Variants in GTF3C1 observed in about 807,000 individuals in gnomAD.
The protein encoded by GTF3C1 is general transcription factor 3C polypeptide 1.
In GTF3C1, 57 loss-of-function variants were observed where a neutral mutation model predicts 226.7. The observed-to-expected ratio is 0.25, with a 90% CI of 0.20 to 0.31. The LOEUF is 0.31. Among genes scored for constraint, GTF3C1 ranks in the 10% least tolerant of loss-of-function variants. The pLI, the probability that GTF3C1 is intolerant of heterozygous loss-of-function variation, is 1.00. For synonymous variants in GTF3C1, 1,090 were observed against 1,084.8 expected (o/e 1.00, Z -0.09); for missense variants, 2,217 against 2,776.1 (o/e 0.80, Z 4.53).
At chr16:27,482,634 G>A in intron 26 of GTF3C1, 1 of 457,926 alleles carries the variant, frequency 2.2e-6, no homozygotes, top group Non-Finnish European at 4.4e-6. Context: ...CAGCCTCTGA[G>A]GCGAAGGGCA....
intron 6 of GTF3C1, among the ~76,000 whole-genome samples, chr16:27,524,166 G>C (rs954057926): frequency 5.9e-5 from 9 of 152,226 alleles, no homozygotes; most frequent in African/African-American, 1.9e-4. Flanking sequence ...GGTGTCTGTG[G>C]TGAAAGGGGA....
intron 23 of GTF3C1, 27 bp from the exon 24 acceptor site, chr16:27,486,181 G>C: frequency 6.7e-7 from 1 of 1,494,108 alleles, no homozygotes; most frequent in East Asian, 2.3e-5. Flanking sequence ...GAGAAGGCAG[G>C]AGACCTCTAA....
At position 27,461,652 on chromosome 16, in the gene GTF3C1, T is replaced by C; in HGVS notation, c.6118-90A>G. On this transcript the variant is annotated intron_variant, in intron 36 of 36. Transcript: ENST00000356183. The surrounding 1 kb of genome is among the most constrained non-coding windows in gnomAD (Gnocchi z 5.3). ...AAGCATTTATGGAATGCCCCCTCTG[T>C]ACCAGGGAGCCACTTCCCAGAGCAG... is the stretch of plus-strand genomic sequence containing the variant. 1.0e-6 allele frequency: 1 copy of C among 976,912 alleles called. No homozygotes were observed. The highest frequency in any genetic ancestry group is 1.9e-5 in the Admixed American group (1 of 51,288). The allele number at this position is 976,912 out of a possible 1,614,324, so 60.5% of individuals were successfully genotyped here. A position where few individuals can be genotyped will look rare whatever the true frequency, so the allele number is the denominator to read the frequency against.
rs750844622 is a variant in GTF3C1 at position 27,471,461 on chromosome 16, A to G, written c.4526+287T>C. The G allele has an allele frequency of 2.7e-6, 1 of 368,044 alleles. No individual in the cohort carries two copies. Among genetic ancestry groups the G allele is most frequent in the Non-Finnish European group, 5.0e-6 (1 of 198,528 alleles). The allele number at this position is 368,044 out of a possible 1,614,324, so 22.8% of individuals were successfully genotyped here. A position where few individuals can be genotyped will look rare whatever the true frequency, so the allele number is the denominator to read the frequency against. ...GGAGGGTGGACTTCCAGCCAGGCCA[A>G]TTATTAAATGCAAACTGATTTCACT... is the stretch of plus-strand genomic sequence containing the variant. On this transcript the variant is annotated intron_variant, in intron 30 of 36. Transcript: ENST00000356183. The surrounding 1 kb of genome is among the most constrained non-coding windows in gnomAD (Gnocchi z 5.0).
chr16:27,464,559 G>A lies in GTF3C1; in HGVS notation c.5633C>T (p.Thr1878Ile). Residue 1878 changes from threonine (T) to isoleucine (I), a missense_variant, in exon 34 of 37, where the codon ACC becomes ATC. By Grantham distance (89) the Thr-to-Ile change is moderately conservative. Coordinates refer to ENST00000356183, the MANE Select transcript of GTF3C1 (RefSeq NM_001520.4). ...TGGCCTCTTGGCAGGGGTCATCTGG[G>A]TGCCCTCGGCGTCGGTCTCCCCATT... ...SENGETDAEG[T>I]QMTPAKRPAL... 6.7e-7 allele frequency: 1 copy of A among 1,494,278 alleles called. No individual in the cohort carries two copies. Among genetic ancestry groups the A allele is most frequent in the Admixed American group, 2.4e-5 (1 of 42,268 alleles). The allele number at this position is 1,494,278 out of a possible 1,614,324, so 92.6% of individuals were successfully genotyped here.
chr16:27,484,890 T>C lies in GTF3C1; in HGVS notation c.3859-537A>G, dbSNP rs1012638135. 6.6e-5 allele frequency among the ~76,000 whole-genome samples: 10 copies of C among 152,298 alleles called. 1 individual carries two copies. Among genetic ancestry groups the C allele is most frequent in the Admixed American group, 5.9e-4 (9 of 15,306 alleles). ...TTTTCTTACATCCCCAAGGATGAGG[T>C]GACCCAAAAAGTCTGTAAGTTCTGG... is the stretch of plus-strand genomic sequence containing the variant. On this transcript the variant is annotated intron_variant, in intron 24 of 36. Coordinates refer to ENST00000356183, the MANE Select transcript of GTF3C1 (RefSeq NM_001520.4).
chr16:27,476,436 G>C lies in GTF3C1; in HGVS notation c.4353+15C>G, dbSNP rs527826195. On this transcript the variant is annotated intron_variant, in intron 29 of 36. Transcript: ENST00000356183. The stretch of plus-strand genomic sequence containing the variant: ...GCCCACATCCCCGCTGTGCTGCCGG[G>C]CAGCCGACACCCACCTGGAATGACT... 1 of 1,546,898 alleles carries C rather than the reference G, an allele frequency of 6.5e-7. No individual in the cohort carries two copies. Among genetic ancestry groups the C allele is most frequent in the South Asian group, 1.1e-5 (1 of 89,584 alleles).
chr16:27,461,040 G>T lies in GTF3C1; in HGVS notation c.*310C>A. The stretch of plus-strand genomic sequence containing the variant: ...TGCCGAGATGGCTAGAGTCTGGAAT[G>T]TGAGGTGTGCACAGGCGGGGCAAAC... On this transcript the variant is annotated 3_prime_UTR_variant, in exon 37 of 37. Transcript: ENST00000356183. This position sits in a 1 kb window ranked among gnomAD's most constrained non-coding sequence, Gnocchi z 5.3. 3.5e-6 allele frequency: 1 copy of T among 288,968 alleles called. No individual in the cohort carries two copies. 17.9% of individuals were successfully genotyped at this position (288,968 alleles called of 1,614,324 possible). A position where few individuals can be genotyped will look rare whatever the true frequency, so the allele number is the denominator to read the frequency against.
Position 27,506,899 on chromosome 16 carries a change from G to A in GTF3C1, c.1500C>T (p.Ala500=), listed in dbSNP as rs1356149182. Residue 500 remains alanine, a synonymous_variant, in exon 9 of 37, where the codon GCC becomes GCT. Transcript: ENST00000356183. ...GGGTCTTGGGCCGGAGGTTTGCAGA[G>A]GCTCTTGTGTCTTTCTGGGACCCTC... ...RGRGSQKDTR[A]SANLRPKTQP... is the part of the protein sequence containing the mutation. The A allele has an allele frequency of 1.2e-6, 2 of 1,613,712 alleles. No individual in the cohort carries two copies. Among genetic ancestry groups the A allele is most frequent in the Admixed American group, 1.7e-5 (1 of 60,006 alleles).
intron 26 of GTF3C1, 92 bp from the exon 27 acceptor site, chr16:27,481,283 C>G (rs1192062631): frequency 3.7e-6 from 4 of 1,070,254 alleles, no homozygotes; most frequent in Non-Finnish European, 5.7e-6. Context: ...GTAACAAACT[C>G]CTGCACCAGC....
intron 2 of GTF3C1, among the ~76,000 whole-genome samples, chr16:27,539,327 CAA>C (rs891298404): frequency 1.7e-4 from 26 of 152,084 alleles, no homozygotes; most frequent in African/African-American, 6.3e-4. Flanking sequence ...AAGAATGCAC[CAA>C]AAGAGGCCAA....
rs750291789 is a variant in GTF3C1, at chr16:27,486,060, C to G, written c.3795G>C (p.Trp1265Cys). Residue 1265 changes from tryptophan to cysteine, a missense_variant, in exon 24 of 37, where the codon TGG becomes TGC. By Grantham distance (215) the Trp-to-Cys change is radical (BLOSUM62 -2). Around this residue, in one of 12 missense-constraint regions of GTF3C1, gnomAD observed 546 missense variants for 663.0 expected, o/e 0.82. Transcript: ENST00000356183. Reference sequence around the variant, plus strand: ...CAAGCAGCCCATCCTCCTGCATAGACCAGGTGACACGAAGCCGCGTCATCC... The same window carrying G: ...CAAGCAGCCCATCCTCCTGCATAGAGCAGGTGACACGAAGCCGCGTCATCC... Reference protein sequence around the residue: ...LQRMTRLRVTWSMQEDGLLVL... With the variant: ...LQRMTRLRVTCSMQEDGLLVL... 1 of 1,611,264 alleles carries G rather than the reference C, an allele frequency of 6.2e-7. No homozygotes were observed.
In GTF3C1 at chr16:27,461,277, G is replaced by A; in HGVS notation, c.*73C>T. ...GGCAGACCCAAGGCCAGGGCACAGT[G>A]GGGTCTGCCGAGCACCAGGCAGGAG... On this transcript the variant is annotated 3_prime_UTR_variant, in exon 37 of 37. Coordinates refer to ENST00000356183, the MANE Select transcript of GTF3C1 (RefSeq NM_001520.4). This position sits in a 1 kb window ranked among gnomAD's most constrained non-coding sequence, Gnocchi z 5.3. The A allele has an allele frequency of 1.0e-6, 1 of 957,150 alleles. No individual in the cohort carries two copies. The highest frequency in any genetic ancestry group is 1.6e-6 in the Non-Finnish European group (1 of 624,736). 59.3% of individuals were successfully genotyped at this position (957,150 alleles called of 1,614,324 possible). A position where few individuals can be genotyped will look rare whatever the true frequency, so the allele number is the denominator to read the frequency against.
chr16:27,468,489 A>G (rs1391842096), intron 32 of GTF3C1, among the ~76,000 whole-genome samples: 1 of 152,066 alleles, frequency 6.6e-6, no homozygotes, highest in African/African-American at 2.4e-5. Flanking sequence ...GCACATGCCT[A>G]TAGTCCAAGC....
At chr16:27,465,600 A>G in intron 32 of GTF3C1, 60 bp from the exon 33 acceptor site, 1 of 1,337,848 alleles carries the variant, frequency 7.5e-7, no homozygotes, top group Non-Finnish European at 1.0e-6. Flanking sequence ...CCCCTGACCA[A>G]TGCACAGGCC....
chr16:27,461,463 A>T lies in GTF3C1; in HGVS notation c.6217T>A (p.Ser2073Thr), dbSNP rs911946775. The change falls in exon 37 of 37, where the codon TCC becomes ACC. Residue 2073 changes from serine to threonine, a missense_variant. Transcript: ENST00000356183. This position sits in a 1 kb window ranked among gnomAD's most constrained non-coding sequence, Gnocchi z 5.3. ...TPVVEEVEVPSSLDESPMAFY... is the reference protein window; with the variant it reads ...TPVVEEVEVPTSLDESPMAFY... ...GCCATGGGGCTCTCGTCCAGGCTGG[A>T]GGGCACTTCCACCTCTTCCACCACG... 4 of 1,613,694 alleles carry T rather than the reference A, an allele frequency of 2.5e-6. No individual in the cohort carries two copies. The highest frequency in any genetic ancestry group is 3.4e-6 in the Non-Finnish European group (4 of 1,179,804).
Position 27,481,219 on chromosome 16 carries a change from A to C in GTF3C1, c.4084-28T>G, listed in dbSNP as rs1226552234. The C allele has an allele frequency of 1.9e-6, 3 of 1,584,758 alleles. No homozygotes were observed. In the African/African-American group the frequency reaches 4.0e-5, roughly 21 times the overall value. ...TTCAACATGAGAGCATGAGAGGTTA[A>C]GCCCTTACTCTTCCTAAAGGGAGGT... On this transcript the variant is annotated intron_variant, in intron 26 of 36. Coordinates refer to ENST00000356183, the MANE Select transcript of GTF3C1 (RefSeq NM_001520.4).
chr16:27,494,060 T>C (rs1358913156), intron 16 of GTF3C1, among the ~76,000 whole-genome samples: 2 of 152,102 alleles, frequency 1.3e-5, no homozygotes, highest in East Asian at 3.9e-4. Context: ...GTGATACAGT[T>C]ATGGGTAATT....
At chr16:27,547,450 G>A (rs1050383465) in intron 1 of GTF3C1, among the ~76,000 whole-genome samples, 2 of 150,468 alleles carry the variant, frequency 1.3e-5, no homozygotes, top group Non-Finnish European at 1.5e-5. Flanking sequence ...CAACCCCCAC[G>A]CTGTTCTTCC....
Sources: allele counts gnomAD v4.1 joint callset (sites outside exome capture counted in the v4.1 genomes callset), GRCh38; gene constraint gnomAD v4.1.1; regional missense constraint gnomAD v4.1.1; non-coding constraint Gnocchi (gnomAD v3.1); transcripts MANE v1.5; gene names NCBI Gene and HGNC (gene_info 2026-07-23, HGNC 2026-07-21).